AFMID: variants seen among roughly 807,000 people sequenced by gnomAD.
AFMID encodes the protein arylformamidase, also known as kynurenine formamidase.
In AFMID, 39 loss-of-function variants were observed where a neutral mutation model predicts 47.5. The ratio of observed to expected loss-of-function variants is 0.82; its 90% CI spans 0.64 to 1.07. The LOEUF (loss-of-function observed/expected upper bound fraction) is 1.07. AFMID is among the 50% of genes least tolerant of loss of function. AFMID has a pLI of 0.00. For missense variants in AFMID, 375 were observed against 387.5 expected, an observed-to-expected ratio of 0.97 and a Z score of 0.27; for synonymous variants, 130 against 153.2, an observed-to-expected ratio of 0.85 and a Z score of 1.12.
chr17:78,203,012 C>A, intron 4 of AFMID: 3 of 445,464 alleles, frequency 6.7e-6, no homozygotes, highest in African/African-American at 2.0e-5. Context: ...TGCCTCCATT[C>A]ACATGTGATC....
chr17:78,194,273 C>T (rs762380776), intron 2 of AFMID, among the ~76,000 whole-genome samples: 17 of 151,950 alleles, frequency 1.1e-4, no homozygotes, highest in Non-Finnish European at 4.4e-5. Flanking sequence ...TTTACAGGCG[C>T]GTGCCACCAC....
chr17:78,194,955 A>G (rs772604338), intron 2 of AFMID, among the ~76,000 whole-genome samples: 6 of 152,116 alleles, frequency 3.9e-5, no homozygotes, highest in Non-Finnish European at 5.9e-5. Context: ...CAGCCTACCA[A>G]AGTGCTGGGA....
Position 78,187,411 on chromosome 17 carries a change from C to G in AFMID, c.41C>G (p.Pro14Arg), listed in dbSNP as rs368272932. 23 of 1,613,856 alleles carry G rather than the reference C, an allele frequency of 1.4e-5. No homozygotes were observed. In the South Asian group the frequency reaches 2.3e-4, roughly 16 times the overall value. The change falls in exon 1 of 11, where the codon CCT becomes CGT. Residue 14 changes from proline (P) to arginine (R), a missense_variant. Pro to Arg is a moderately radical substitution (Grantham distance 103). Transcript: ENST00000409257. ...GGTGTGGGTTTCCCAAGCAAGGTTC[C>G]TTGGAAGAAGATGTCTGCAGAGGTA... ...VSGVGFPSKVPWKKMSAEELE... is the reference protein window; with the variant it reads ...VSGVGFPSKVRWKKMSAEELE...
At position 78,199,874 on chromosome 17, in the gene AFMID, G is replaced by C. The variant is rs77651142; in HGVS notation, c.155-2625G>C. Among the ~76,000 whole-genome samples, 1,089 of 152,292 alleles carry C rather than the reference G, an allele frequency of 7.2e-3. 22 individuals are homozygous for C. Among genetic ancestry groups the C allele is most frequent in the African/African-American group, 0.025 (1,037 of 41,556 alleles). ...TGATGGTGCCTGAGCACAGCTGTGA[G>C]AAGGGGGTATCTGGATCCTTGGGGT... On this transcript the variant is annotated intron_variant, in intron 2 of 10. Transcript: ENST00000409257.
Position 78,205,993 on chromosome 17 carries a change from T to A in AFMID, c.828T>A (p.Asp276Glu). 3.1e-6 allele frequency: 5 copies of A among 1,614,050 alleles called. No homozygotes were observed. Among genetic ancestry groups the A allele is most frequent in the Non-Finnish European group, 4.2e-6 (5 of 1,180,004 alleles). Residue 276 changes from aspartate (D) to glutamate (E), a missense_variant, in exon 10 of 11, where the codon GAT becomes GAA. By Grantham distance (45) the Asp-to-Glu change is conservative. Transcript: ENST00000409257. ...EWKASFEELHDVDHFEIVENL... is the reference protein window; with the variant it reads ...EWKASFEELHEVDHFEIVENL... ...AAGCCTCATTTGAAGAGCTCCACGA[T>A]GTGGACCACTTTGAAATTGTTGAGA...
At chr17:78,206,148 C>T in intron 10 of AFMID, 98 bp downstream of exon 10, 3 of 998,896 alleles carry the variant, frequency 3.0e-6, no homozygotes, top group Non-Finnish European at 3.1e-6. Context: ...CCAGCCTGGC[C>T]AACATGGAGA....
intron 2 of AFMID, 33 bp from the exon 3 acceptor site, chr17:78,202,466 G>C (rs374778328): frequency 1.2e-6 from 2 of 1,601,636 alleles, no homozygotes; most frequent in South Asian, 2.2e-5. Context: ...ACCTGAGCTT[G>C]TGCTGACAGC....
rs753026519 is a variant in AFMID at position 78,205,184 on chromosome 17, C to T, written c.559C>T (p.Leu187Phe). ...DWTKHGVTPN[L>F]RGFFLVSGVF... Reference sequence around the variant, plus strand: ...GACCAAGCATGGGGTCACGCCCAACCTCAGAGGTTTCCATGGGAGCTACAG... The same window carrying T: ...GACCAAGCATGGGGTCACGCCCAACTTCAGAGGTTTCCATGGGAGCTACAG... The change falls in exon 7 of 11, where the codon CTC becomes TTC. Residue 187 changes from leucine to phenylalanine, a missense_variant. By Grantham distance (22) the Leu-to-Phe change is conservative (BLOSUM62 0). Transcript: ENST00000409257. 4 of 1,610,970 alleles carry T rather than the reference C, an allele frequency of 2.5e-6. No homozygotes were observed. Among genetic ancestry groups the T allele is most frequent in the Non-Finnish European group, 3.4e-6 (4 of 1,178,748 alleles).
intron 2 of AFMID, among the ~76,000 whole-genome samples, chr17:78,194,974 G>T (rs112275268): frequency 2.0e-5 from 3 of 151,818 alleles, no homozygotes; most frequent in African/African-American, 7.3e-5. Flanking sequence ...GATTACAGGC[G>T]TGAGCCACCG....
rs200823680 is a variant in AFMID, at chr17:78,206,931, C to T, written c.906C>T (p.Phe302=). ...TCCAGATTATCTTGAAAACAATCTT[C>T]CAGTAGTTCTGACGATACTTGGAGC... is the stretch of plus-strand genomic sequence containing the variant. The part of the protein sequence containing the change: ...VLTQIILKTI[F]Q Residue 302 remains phenylalanine (F), a synonymous_variant, in exon 11 of 11, where the codon TTC becomes TTT. Transcript: ENST00000409257. 6.2e-7 allele frequency: 1 copy of T among 1,614,092 alleles called. No individual in the cohort carries two copies. Among genetic ancestry groups the T allele is most frequent in the South Asian group, 1.1e-5 (1 of 91,070 alleles).
Position 78,204,895 on chromosome 17 carries a change from C to T in AFMID, c.462C>T (p.Ser154=), listed in dbSNP as rs1323937253. ...CGTTTGTCCAGAAGCGGTATCCAAG[C>T]AACAAGTGGGTGTTGCCAGTAGATT... The part of the protein sequence containing the change: ...SVAFVQKRYP[S]NKGIYLCGHS... The change falls in exon 6 of 11, where the codon AGC becomes AGT. Residue 154 remains serine (S), a synonymous_variant. Coordinates refer to ENST00000409257, the MANE Select transcript of AFMID (RefSeq NM_001010982.5). 1 of 1,614,192 alleles carries T rather than the reference C, an allele frequency of 6.2e-7. No homozygotes were observed. The highest frequency in any genetic ancestry group is 8.5e-7 in the Non-Finnish European group (1 of 1,180,038).
rs371436854 is a variant in AFMID, at chr17:78,204,373, G to C, written c.309-283G>C. Among the ~76,000 whole-genome samples the C allele has an allele frequency of 4.6e-5, 7 of 152,278 alleles. No homozygotes were observed. The East Asian group carries it at 1.2e-3, about 25-fold the overall frequency. On this transcript the variant is annotated intron_variant, in intron 4 of 10. Transcript: ENST00000409257. The stretch of plus-strand genomic sequence containing the variant: ...GAGGATCGCTTGAGCCCAGGAGGTC[G>C]AGGCTACAGTGATCCATGATCGCAC...
chr17:78,201,027 C>T (rs1369506651), intron 2 of AFMID, among the ~76,000 whole-genome samples: 6 of 151,576 alleles, frequency 4.0e-5, no homozygotes, highest in South Asian at 4.2e-4. Context: ...GACAGAATCT[C>T]GCTCTGTCAC....
Position 78,204,890 on chromosome 17 carries a change from C to G in AFMID, c.457C>G (p.Pro153Ala), listed in dbSNP as rs1351434106. 1 of 1,614,090 alleles carries G rather than the reference C, an allele frequency of 6.2e-7. No homozygotes were observed. Among genetic ancestry groups the G allele is most frequent in the African/African-American group, 1.3e-5 (1 of 74,930 alleles). ...RSVAFVQKRY[P>A]SNKGIYLCGH... Reference sequence around the variant, plus strand: ...CGTTGCGTTTGTCCAGAAGCGGTATCCAAGCAACAAGTGGGTGTTGCCAGT... The same window carrying G: ...CGTTGCGTTTGTCCAGAAGCGGTATGCAAGCAACAAGTGGGTGTTGCCAGT... Residue 153 changes from proline to alanine, a missense_variant, in exon 6 of 11, where the codon CCA (proline) becomes GCA (alanine). Transcript: ENST00000409257.
intron 1 of AFMID, among the ~76,000 whole-genome samples, chr17:78,190,550 C>T (rs752795146): frequency 1.8e-4 from 27 of 152,168 alleles, no homozygotes; most frequent in Non-Finnish European, 3.1e-4. Context: ...CACACCACCA[C>T]GCTCGGCTAG....
intron 10 of AFMID, among the ~76,000 whole-genome samples, chr17:78,206,520 C>T (rs80019890): frequency 0.013 from 2,015 of 151,882 alleles, 66 homozygotes; most frequent in East Asian, 0.12. Flanking sequence ...GGTTATCCTG[C>T]CCCAGCCTCT....
intron 2 of AFMID, among the ~76,000 whole-genome samples, chr17:78,201,401 A>G (rs568403644): frequency 2.0e-5 from 3 of 151,930 alleles, no homozygotes; most frequent in Non-Finnish European, 4.4e-5. Flanking sequence ...TGGATGGATC[A>G]TCTGAGGTTG....
chr17:78,193,976 A>AG (rs1567845119), intron 2 of AFMID, among the ~76,000 whole-genome samples: 1 of 64,168 alleles, frequency 1.6e-5, no homozygotes, highest in East Asian at 1.9e-3. Context: ...ACTCCATCTC[A>AG]AAAAAAAAAA....
At chr17:78,195,939 A>G (rs34862175) in intron 2 of AFMID, among the ~76,000 whole-genome samples, 12,145 of 151,886 alleles carry the variant, frequency 0.08, 906 homozygotes, top group African/African-American at 0.19. Context: ...TCCGCCTCCC[A>G]GGTTCACGCC....
Sources: allele counts gnomAD v4.1 joint callset (sites outside exome capture counted in the v4.1 genomes callset), GRCh38; gene constraint gnomAD v4.1.1; transcripts MANE v1.5; gene names NCBI Gene and HGNC (gene_info 2026-07-23, HGNC 2026-07-21).